Variants in GREB1 observed in about 807,000 individuals in gnomAD.
GREB1 encodes protein GREB1.
In GREB1, 106 loss-of-function variants were observed where a neutral mutation model predicts 200.7. That is an observed-to-expected ratio of 0.53 (90% CI 0.45 to 0.62). The LOEUF is 0.62. Among genes scored for constraint, GREB1 ranks in the 20% least tolerant of loss-of-function variants. The pLI is 0.00. For missense variants in GREB1, 2,243 were observed against 2,556.8 expected, an observed-to-expected ratio of 0.88 and a Z score of 2.65; for synonymous variants, 1,132 against 1,092.4, an observed-to-expected ratio of 1.04 and a Z score of -0.72.
chr2:11,585,981 C>G (rs1036218601), intron 9 of GREB1, 76 bp downstream of exon 9: 5 of 1,477,342 alleles, frequency 3.4e-6, no homozygotes, highest in Non-Finnish European at 4.7e-6. Context: ...AAAAGCGAGA[C>G]CTCATCCCGG....
chr2:11,572,966 C>T (rs1230476643), intron 4 of GREB1, among the ~76,000 whole-genome samples: 5 of 152,088 alleles, frequency 3.3e-5, no homozygotes, highest in Non-Finnish European at 4.4e-5. Flanking sequence ...TAAATGAGAA[C>T]GTTTATAATG....
intron 1 of GREB1, among the ~76,000 whole-genome samples, chr2:11,526,198 G>A (rs1673869238): frequency 2.0e-5 from 3 of 152,098 alleles, no homozygotes. Context: ...ACTCATCTTT[G>A]CCACATTTCT....
chr2:11,585,156 T>C lies in GREB1; in HGVS notation c.902-5T>C, dbSNP rs1679948972. Reference sequence around the variant, plus strand: ...AGCCTAATCCACACTCTGAATATTGTCTAGGTATCTTGTCAAACTCCGGGC... The same window carrying C: ...AGCCTAATCCACACTCTGAATATTGCCTAGGTATCTTGTCAAACTCCGGGC... On this transcript the variant is annotated splice_region_variant and splice_polypyrimidine_tract_variant and intron_variant, in intron 7 of 32. Transcript: ENST00000381486. 6.5e-7 allele frequency: 1 copy of C among 1,528,090 alleles called. No homozygotes were observed. The highest frequency in any genetic ancestry group is 1.2e-5 in the South Asian group (1 of 80,748). 94.7% of individuals were successfully genotyped at this position (1,528,090 alleles called of 1,614,324 possible). A position where few individuals can be genotyped will look rare whatever the true frequency, so the allele number is the denominator to read the frequency against.
intron 10 of GREB1, among the ~76,000 whole-genome samples, chr2:11,592,481 G>C (rs1442046686): frequency 6.6e-6 from 1 of 151,540 alleles, no homozygotes; most frequent in Non-Finnish European, 1.5e-5. Flanking sequence ...CTATGTTTCT[G>C]GATTGTCAAA....
At chr2:11,605,176 T>TTTTA (rs1194746512) in intron 17 of GREB1, among the ~76,000 whole-genome samples, 1 of 140,716 alleles carries the variant, frequency 7.1e-6, no homozygotes, top group Non-Finnish European at 1.5e-5. Context: ...TTTTTTTTTT[T>TTTTA]ACGCAGCAGC....
chr2:11,483,287 T>TGTGC (rs1281584752), intron 1 of GREB1, among the ~76,000 whole-genome samples: 1 of 147,816 alleles, frequency 6.8e-6, no homozygotes, highest in East Asian at 2.0e-4. Flanking sequence ...TGAGTGCGCG[T>TGTGC]GTGCGTGCGT....
At chr2:11,620,718 G>A (rs991468349) in intron 22 of GREB1, among the ~76,000 whole-genome samples, 187 bp from the exon 23 acceptor site, 2 of 152,184 alleles carry the variant, frequency 1.3e-5, no homozygotes, top group Admixed American at 6.5e-5. Flanking sequence ...CCTTATGCTC[G>A]TGGGAGTCCA....
chr2:11,515,633 A>C (rs1673472260), intron 1 of GREB1, among the ~76,000 whole-genome samples: 1 of 152,160 alleles, frequency 6.6e-6, no homozygotes, highest in South Asian at 2.1e-4. Flanking sequence ...GGTGGCTTCA[A>C]GGTGGTCACA....
At chr2:11,602,610 G>A in intron 17 of GREB1, 68 bp downstream of exon 17, 1 of 1,393,500 alleles carries the variant, frequency 7.2e-7, no homozygotes, top group African/African-American at 1.4e-5. Context: ...GGTGCGTTTA[G>A]CCAGCCAGGG....
intron 9 of GREB1, chr2:11,587,741 A>ACACACACTCACACGCGCG: frequency 1.3e-6 from 1 of 786,924 alleles, no homozygotes; most frequent in Non-Finnish European, 1.6e-6. Context: ...ACACACACAC[A>ACACACACTCACACGCGCG]CGCCACCTTT....
chr2:11,635,671 C>T (rs1685255562), intron 30 of GREB1, among the ~76,000 whole-genome samples: 1 of 152,212 alleles, frequency 6.6e-6, no homozygotes, highest in Admixed American at 6.5e-5. Flanking sequence ...TGTGTTCTCA[C>T]CTGCCCCAGC....
At chr2:11,604,558 G>A (rs972264890) in intron 17 of GREB1, among the ~76,000 whole-genome samples, 1 of 152,142 alleles carries the variant, frequency 6.6e-6, no homozygotes, top group Admixed American at 6.5e-5. Flanking sequence ...GGTGAAAAGA[G>A]AATTTCAAAC....
chr2:11,586,144 G>T (rs1003164323), intron 9 of GREB1, among the ~76,000 whole-genome samples: 1 of 152,220 alleles, frequency 6.6e-6, no homozygotes, highest in Admixed American at 6.5e-5. Flanking sequence ...CAGGTGAAAT[G>T]ATTCCCTGCC....
At chr2:11,517,870 G>A (rs1317180350) in intron 1 of GREB1, among the ~76,000 whole-genome samples, 3 of 152,132 alleles carry the variant, frequency 2.0e-5, no homozygotes, top group Non-Finnish European at 4.4e-5. Flanking sequence ...AGCCAGGATG[G>A]TCTCGATCTC....
chr2:11,547,738 T>C (rs1312591242), intron 1 of GREB1, among the ~76,000 whole-genome samples: 2 of 152,230 alleles, frequency 1.3e-5, no homozygotes, highest in Non-Finnish European at 2.9e-5. Context: ...TTTTAAATTC[T>C]TTCCTTTTTT....
intron 30 of GREB1, 48 bp from the exon 31 acceptor site, chr2:11,637,668 C>G: frequency 1.3e-6 from 2 of 1,577,986 alleles, no homozygotes; most frequent in Non-Finnish European, 1.7e-6. Flanking sequence ...ATGGGAAGGT[C>G]CTCGCCCCTC....
chr2:11,621,922 T>G (rs983692478), intron 23 of GREB1, among the ~76,000 whole-genome samples: 1 of 152,268 alleles, frequency 6.6e-6, no homozygotes, highest in Admixed American at 6.5e-5. Flanking sequence ...CTGCTGAATT[T>G]GTCTCCTTGC....
In GREB1 at chr2:11,538,927, G is replaced by T. The variant is rs112443690; in HGVS notation, c.-162+4673G>T. Among the ~76,000 whole-genome samples, 2 of 13,986 alleles carry T rather than the reference G, an allele frequency of 1.4e-4. 1 individual carries two copies. Among genetic ancestry groups the T allele is most frequent in the Non-Finnish European group, 3.1e-4 (2 of 6,478 alleles). The allele number at this position is 13,986 out of a possible 152,430, so 9.2% of individuals were successfully genotyped here. A position where few individuals can be genotyped will look rare whatever the true frequency, so the allele number is the denominator to read the frequency against. ...CCTTCCTTCCCCCTCCCCTCCCCTC[G>T]TGTCCCCTCCCCTCCCCTCGTGTCC... On this transcript the variant is annotated intron_variant, in intron 1 of 32. Coordinates refer to ENST00000381486, the MANE Select transcript of GREB1 (RefSeq NM_014668.4).
chr2:11,562,728 C>A, intron 3 of GREB1, 146 bp downstream of exon 3: 1 of 935,138 alleles, frequency 1.1e-6, no homozygotes, highest in Non-Finnish European at 1.5e-6. Flanking sequence ...GAGCCATGCC[C>A]CTGGGCCCGC....
Sources: gnomAD v4.1 joint callset for allele counts (sites outside exome capture counted in the v4.1 genomes callset) on GRCh38, gnomAD v4.1.1 for gene constraint, MANE v1.5 for transcripts, NCBI Gene and HGNC (gene_info 2026-07-23, HGNC 2026-07-21) for gene names.